PALM2AKAP2: variants seen among roughly 807,000 people sequenced by gnomAD.
PALM2AKAP2 encodes PALM2 and AKAP2 fusion.
PALM2AKAP2 carries 37 observed loss-of-function variants against 71.5 expected under a neutral mutation model. The ratio of observed to expected loss-of-function variants is 0.52; its 90% CI spans 0.40 to 0.68. The LOEUF (loss-of-function observed/expected upper bound fraction) is 0.68. Among genes scored for constraint, PALM2AKAP2 ranks in the 30% least tolerant of loss-of-function variants. The pLI, the probability that PALM2AKAP2 is intolerant of heterozygous loss-of-function variation, is 0.00. For synonymous variants in PALM2AKAP2, 468 were observed against 478.8 expected (o/e 0.98, Z 0.29); for missense variants, 1,224 against 1,191.8 (o/e 1.03, Z -0.40).
chr9:109,987,737 T>C (rs1704601013), intron 6 of PALM2AKAP2, among the ~76,000 whole-genome samples: 1 of 152,220 alleles, frequency 6.6e-6, no homozygotes, highest in Admixed American at 6.5e-5. Context: ...CCAGTTTGCT[T>C]CCATGTTTTT....
chr9:110,011,755 G>A (rs1021283523), intron 6 of PALM2AKAP2, among the ~76,000 whole-genome samples: 1 of 152,166 alleles, frequency 6.6e-6, no homozygotes, highest in Admixed American at 6.5e-5. Flanking sequence ...CTTTCTCCAA[G>A]ATTCTTAGCA....
intron 1 of PALM2AKAP2, among the ~76,000 whole-genome samples, chr9:109,764,338 ACAG>A: frequency 6.9e-6 from 1 of 145,468 alleles, no homozygotes; most frequent in African/African-American, 2.5e-5. Flanking sequence ...CTTCTCCAAA[ACAG>A]GGTGTCTCCC....
intron 1 of PALM2AKAP2, among the ~76,000 whole-genome samples, chr9:109,744,021 G>T (rs1828760298): frequency 6.6e-6 from 1 of 152,196 alleles, no homozygotes; most frequent in Non-Finnish European, 1.5e-5. Context: ...GAGTGGGAGT[G>T]AGGTGAAAAT....
At position 109,729,774 on chromosome 9, in the gene PALM2AKAP2, G is replaced by A. The variant is rs549136919; in HGVS notation, c.6-50714G>A. On this transcript the variant is annotated intron_variant, in intron 1 of 6. Coordinates refer to the PALM2AKAP2 transcript ENST00000374531. Reference sequence around the variant, plus strand: ...TTGAAGGACCTGTTTAAATTTCTGTGCAAGTAGGCTGCCAGGAAATACATT... The same window carrying A: ...TTGAAGGACCTGTTTAAATTTCTGTACAAGTAGGCTGCCAGGAAATACATT... 5.3e-5 allele frequency among the ~76,000 whole-genome samples: 8 copies of A among 152,264 alleles called. No individual in the cohort carries two copies. In the East Asian group the frequency reaches 7.7e-4, roughly 15 times the overall value.
chr9:109,970,623 C>T (rs1186487890), intron 6 of PALM2AKAP2, among the ~76,000 whole-genome samples: 3 of 152,192 alleles, frequency 2.0e-5, no homozygotes, highest in Non-Finnish European at 4.4e-5. Flanking sequence ...GGGCAGGCTG[C>T]CTGGTGATAC....
chr9:109,861,647 C>T (rs1026509691), intron 1 of PALM2AKAP2, among the ~76,000 whole-genome samples: 1 of 152,168 alleles, frequency 6.6e-6, no homozygotes, highest in African/African-American at 2.4e-5. Flanking sequence ...CTACTGTCAG[C>T]TCATTATGCT....
intron 2 of PALM2AKAP2, chr9:110,148,780 TG>T (rs1836240152): frequency 6.6e-6 from 1 of 152,196 alleles, no homozygotes; most frequent in Admixed American, 6.5e-5. Flanking sequence ...TTGAGAAATG[TG>T]GAAACAAAGG....
intron 1 of PALM2AKAP2, among the ~76,000 whole-genome samples, chr9:109,652,100 T>C (rs1469295075): frequency 1.3e-5 from 2 of 152,162 alleles, no homozygotes; most frequent in Non-Finnish European, 1.5e-5. Flanking sequence ...GCATAAAATA[T>C]AGTGTAATGA....
intron 1 of PALM2AKAP2, among the ~76,000 whole-genome samples, chr9:109,722,003 T>G (rs1828413305): frequency 6.6e-6 from 1 of 152,230 alleles, no homozygotes; most frequent in African/African-American, 2.4e-5. Flanking sequence ...AGCCTATTCT[T>G]TGACCTAGTG....
At chr9:110,148,588 T>C (rs1034016088) in intron 2 of PALM2AKAP2, 1 of 152,196 alleles carries the variant, frequency 6.6e-6, no homozygotes, top group African/African-American at 2.4e-5. Flanking sequence ...AATGCAAGTC[T>C]GAGCTCATTT....
In PALM2AKAP2 at chr9:110,149,448, GT is replaced by G. The variant is rs570257234; in HGVS notation, c.2570-6868del. Among the ~76,000 whole-genome samples the G allele has an allele frequency of 1.1e-3, 170 of 152,244 alleles. 1 individual carries two copies. The highest frequency in any genetic ancestry group is 3.9e-3 in the African/African-American group (161 of 41,530). ...TAATATTTACAAGAAAACTTTTCTG[GT>G]TTGTTTTATATTTTAAAATTAATTT... On this transcript the variant is annotated intron_variant, in intron 2 of 3. Coordinates refer to ENST00000374525, the Ensembl canonical transcript of PALM2AKAP2.
At chr9:110,172,064 A>G (rs1836872339) in exon 4 of PALM2AKAP2, 1 of 152,684 alleles carries the variant, frequency 6.5e-6, no homozygotes, top group African/African-American at 2.4e-5. Flanking sequence ...ACATATATAT[A>G]TATAAAGTGT....
chr9:109,988,669 G>A (rs1171811347), intron 6 of PALM2AKAP2, among the ~76,000 whole-genome samples: 2 of 146,130 alleles, frequency 1.4e-5, no homozygotes, highest in Admixed American at 6.9e-5. Flanking sequence ...GGGAAGGAAG[G>A]GAAGGGAAGG....
At chr9:109,998,822 T>A (rs1385512308) in intron 6 of PALM2AKAP2, among the ~76,000 whole-genome samples, 1 of 150,042 alleles carries the variant, frequency 6.7e-6, no homozygotes, top group Non-Finnish European at 1.5e-5. Flanking sequence ...GTGCATGACC[T>A]TGTGAGGTAG....
chr9:109,716,905 T>A (rs1364803733), intron 1 of PALM2AKAP2, among the ~76,000 whole-genome samples: 1 of 152,140 alleles, frequency 6.6e-6, no homozygotes, highest in Admixed American at 6.5e-5. Context: ...AATGAGGTTT[T>A]GGGGAATCAG....
chr9:109,971,711 C>A (rs930976206), intron 6 of PALM2AKAP2, among the ~76,000 whole-genome samples: 2 of 152,210 alleles, frequency 1.3e-5, no homozygotes, highest in African/African-American at 4.8e-5. Context: ...CAGGCGTGAG[C>A]CACCGCGCCC....
At chr9:110,140,558 G>A (rs1006011110) in intron 2 of PALM2AKAP2, among the ~76,000 whole-genome samples, 3 of 152,184 alleles carry the variant, frequency 2.0e-5, no homozygotes, top group African/African-American at 7.2e-5. Context: ...TTGCCCTGAT[G>A]CTTTTTAATT....
At chr9:109,974,567 C>T (rs1004676385) in intron 6 of PALM2AKAP2, among the ~76,000 whole-genome samples, 3 of 152,072 alleles carry the variant, frequency 2.0e-5, no homozygotes, top group Non-Finnish European at 2.9e-5. Flanking sequence ...AGACTGCCAA[C>T]GCACGCCACT....
intron 1 of PALM2AKAP2, among the ~76,000 whole-genome samples, chr9:110,053,325 A>G (rs1833749717): frequency 6.6e-6 from 1 of 152,084 alleles, no homozygotes; most frequent in South Asian, 2.1e-4. Context: ...CAGGATTTGG[A>G]GACCAGCCTG....
Sources: gnomAD v4.1 joint callset for allele counts (sites outside exome capture counted in the v4.1 genomes callset) on GRCh38, gnomAD v4.1.1 for gene constraint, MANE v1.5 for transcripts, NCBI Gene and HGNC (gene_info 2026-07-23, HGNC 2026-07-21) for gene names.